Variants in POT1 observed in about 807,000 individuals in gnomAD.
POT1 encodes the protein protection of telomeres 1, also known as protection of telomeres protein 1.
POT1 carries 47 observed loss-of-function variants against 78.5 expected under a neutral mutation model. The ratio of observed to expected loss-of-function variants is 0.60; its 90% CI spans 0.47 to 0.76. The LOEUF (loss-of-function observed/expected upper bound fraction) is 0.76, where lower values mean the gene tolerates loss of function less well. POT1 is among the 30% of genes least tolerant of loss of function. POT1 has a pLI of 0.00. For missense variants in POT1, 646 were observed against 749.9 expected, an observed-to-expected ratio of 0.86 and a Z score of 1.62; for synonymous variants, 259 against 260.7, an observed-to-expected ratio of 0.99 and a Z score of 0.06.
rs1355531169 is a variant in POT1, at chr7:124,896,628, C to A, written c.9+537G>T. Among the ~76,000 whole-genome samples, 6 of 151,642 alleles carry A rather than the reference C, an allele frequency of 4.0e-5. No individual in the cohort carries two copies. In the East Asian group the frequency reaches 1.2e-3, roughly 29 times the overall value. ...CCTTCTTTCCAGTTTCACTCGGCTA[C>A]AAGTAGACTATCTGTAAAAATGGGA... On this transcript the variant is annotated intron_variant, in intron 5 of 18. Coordinates refer to ENST00000357628, the MANE Select transcript of POT1 (RefSeq NM_015450.3).
chr7:124,842,771 T>C lies in POT1; in HGVS notation c.1163+36A>G, dbSNP rs750528913. The C allele has an allele frequency of 1.9e-6, 3 of 1,539,208 alleles. No homozygotes were observed. The African/African-American group carries it at 4.2e-5, about 21-fold the overall frequency. On this transcript the variant is annotated intron_variant, in intron 13 of 18. Transcript: ENST00000357628. ...TATGTGTACATATACACACAAATAA[T>C]ATGAAAACGTTTGTTTTATTATGGA...
Position 124,859,086 on chromosome 7 carries a change from A to C in POT1, c.573T>G (p.Phe191Leu). Residue 191 changes from phenylalanine to leucine, a missense_variant, in exon 9 of 19, where the codon TTT becomes TTG. By Grantham distance (22) the Phe-to-Leu change is conservative. Around this residue, in one of 2 missense-constraint regions of POT1, gnomAD observed 252 missense variants for 341.4 expected, o/e 0.74. Coordinates refer to ENST00000357628, the MANE Select transcript of POT1 (RefSeq NM_015450.3). ...CTTGTATTAAGACTCTCCAAGATGG[A>C]AATGGTGTCCTGGTGCCATCCCATA... ...LKVWDGTRTP[F>L]PSWRVLIQDL... 6.2e-7 allele frequency: 1 copy of C among 1,603,720 alleles called. No individual in the cohort carries two copies. The highest frequency in any genetic ancestry group is 8.5e-7 in the Non-Finnish European group (1 of 1,174,008).
chr7:124,838,165 T>C (rs1003005052), intron 14 of POT1, among the ~76,000 whole-genome samples: 4 of 152,136 alleles, frequency 2.6e-5, no homozygotes, highest in Non-Finnish European at 4.4e-5. Flanking sequence ...ATTGCTCCTA[T>C]TCAATATTGT....
chr7:124,926,502 C>T (rs1329321448), intron 2 of POT1, among the ~76,000 whole-genome samples: 1 of 152,044 alleles, frequency 6.6e-6, no homozygotes, highest in Non-Finnish European at 1.5e-5. Flanking sequence ...ATTAGTACAA[C>T]CTCTATGGAA....
chr7:124,837,586 T>C (rs1348622116), intron 14 of POT1, among the ~76,000 whole-genome samples: 2 of 151,992 alleles, frequency 1.3e-5, no homozygotes, highest in Non-Finnish European at 2.9e-5. Flanking sequence ...ATAATAATAA[T>C]CTTGAAAAAA....
At chr7:124,828,702 A>G (rs1743180748) in intron 16 of POT1, among the ~76,000 whole-genome samples, 1 of 151,760 alleles carries the variant, frequency 6.6e-6, no homozygotes, top group Non-Finnish European at 1.5e-5. Flanking sequence ...CATGTGACAG[A>G]AAAAAAAATT....
In POT1 at chr7:124,850,630, C is replaced by T. The variant is rs181348060; in HGVS notation, c.949+1242G>A. On this transcript the variant is annotated intron_variant, in intron 11 of 18. Transcript: ENST00000357628. ...GCCTGTAGTCCCAGCTATTGGGAGG[C>T]TGAGGCAGGAGAATGCCCTGAACCC... 8.6e-5 allele frequency among the ~76,000 whole-genome samples: 13 copies of T among 151,960 alleles called. 1 individual carries two copies. In the East Asian group the frequency reaches 2.3e-3, roughly 27 times the overall value.
chr7:124,841,322 G>A, intron 13 of POT1, 144 bp from the exon 14 acceptor site: 2 of 616,774 alleles, frequency 3.2e-6, no homozygotes, highest in East Asian at 5.6e-5. Flanking sequence ...AAATTATGGA[G>A]ATAATTCACT....
At chr7:124,838,523 C>G (rs1259212655) in intron 14 of POT1, among the ~76,000 whole-genome samples, 1 of 151,974 alleles carries the variant, frequency 6.6e-6, no homozygotes, top group Non-Finnish European at 1.5e-5. Context: ...CTAAGAAGAT[C>G]TACATAGAAA....
intron 9 of POT1, among the ~76,000 whole-genome samples, chr7:124,854,826 T>G (rs1331014769): frequency 1.3e-5 from 2 of 151,934 alleles, no homozygotes; most frequent in African/African-American, 4.8e-5. Context: ...TCATTCTTTT[T>G]GACTGGATTA....
intron 9 of POT1, 169 bp from the exon 10 acceptor site, chr7:124,853,307 T>G: frequency 1.8e-6 from 1 of 559,660 alleles, no homozygotes. Flanking sequence ...ATCAGCTGCA[T>G]GGACACTACA....
At chr7:124,850,436 A>C (rs1222768144) in intron 11 of POT1, among the ~76,000 whole-genome samples, 1 of 152,226 alleles carries the variant, frequency 6.6e-6, no homozygotes, top group Non-Finnish European at 1.5e-5. Flanking sequence ...TTAGAATTAA[A>C]TAATAATGCG....
chr7:124,868,140 A>C (rs1795776915), intron 7 of POT1, among the ~76,000 whole-genome samples: 1 of 152,186 alleles, frequency 6.6e-6, no homozygotes, highest in Non-Finnish European at 1.5e-5. Flanking sequence ...AATTGCAATA[A>C]GAAAAACAAG....
At chr7:124,871,333 A>G (rs1795862674) in intron 6 of POT1, among the ~76,000 whole-genome samples, 1 of 152,116 alleles carries the variant, frequency 6.6e-6, no homozygotes, top group African/African-American at 2.4e-5. Context: ...AGGTTTACAA[A>G]TCATGAAACA....
chr7:124,866,927 G>C (rs1795740562), intron 7 of POT1, among the ~76,000 whole-genome samples: 1 of 152,074 alleles, frequency 6.6e-6, no homozygotes, highest in South Asian at 2.1e-4. Context: ...CTTTTAAATG[G>C]GTTCTACTTG....
rs73719087 is a variant in POT1, at chr7:124,918,492, C to T, written c.-226-2846G>A. Reference sequence around the variant, plus strand: ...AGTAATAAGAAACATAAGAAACATTCAAGTCTTCAGTAAACGACCTTTTTG... The same window carrying T: ...AGTAATAAGAAACATAAGAAACATTTAAGTCTTCAGTAAACGACCTTTTTG... On this transcript the variant is annotated intron_variant, in intron 2 of 18. Coordinates refer to ENST00000357628, the MANE Select transcript of POT1 (RefSeq NM_015450.3). Among the ~76,000 whole-genome samples the T allele has an allele frequency of 1.5e-3, 229 of 152,296 alleles. 1 individual carries two copies. Among genetic ancestry groups the T allele is most frequent in the African/African-American group, 5.3e-3 (222 of 41,584 alleles).
intron 7 of POT1, among the ~76,000 whole-genome samples, chr7:124,869,155 T>C (rs1052034648): frequency 4.6e-5 from 7 of 152,198 alleles, no homozygotes; most frequent in African/African-American, 1.2e-4. Context: ...GGTCTGTTAG[T>C]GTTTGTGTAT....
Position 124,864,595 on chromosome 7 carries a change from T to C in POT1, c.256-955A>G, listed in dbSNP as rs565850990. On this transcript the variant is annotated intron_variant, in intron 7 of 18. Coordinates refer to ENST00000357628, the MANE Select transcript of POT1 (RefSeq NM_015450.3). ...CCATTTCGTTCTTCTTAGCTATGAA[T>C]AAATCTTTAACTTCTTAATGTCCAC... is the stretch of plus-strand genomic sequence containing the variant. Among the ~76,000 whole-genome samples the C allele has an allele frequency of 6.6e-5, 10 of 152,276 alleles. No homozygotes were observed. The South Asian group carries it at 1.5e-3, about 22-fold the overall frequency.
In POT1 at chr7:124,824,589, T is replaced by C. The variant is rs906340751; in HGVS notation, c.1793-515A>G. Among the ~76,000 whole-genome samples, 6 of 152,108 alleles carry C rather than the reference T, an allele frequency of 3.9e-5. No individual in the cohort carries two copies. In the East Asian group the frequency reaches 9.6e-4, roughly 24 times the overall value. ...GAGTAAAGCCTGATTAAAAATAGTA[T>C]ATAAAAATTAAACCAGCTGCTAAAT... On this transcript the variant is annotated intron_variant, in intron 18 of 18. Coordinates refer to ENST00000357628, the MANE Select transcript of POT1 (RefSeq NM_015450.3).
Sources: allele counts gnomAD v4.1 joint callset (sites outside exome capture counted in the v4.1 genomes callset), GRCh38; gene constraint gnomAD v4.1.1; regional missense constraint gnomAD v4.1.1; transcripts MANE v1.5; gene names NCBI Gene and HGNC (gene_info 2026-07-23, HGNC 2026-07-21).